The following GALNT13 variants were observed in gnomAD, a reference collection of about 807,000 sequenced individuals.
GALNT13 encodes polypeptide N-acetylgalactosaminyltransferase 13, also known as UDP-GalNAc:polypeptide N-acetylgalactosaminyltransferase 13.
A neutral mutation model predicts 64.2 loss-of-function variants in GALNT13; 28 were observed. That is an observed-to-expected ratio of 0.44 (90% CI 0.32 to 0.60). The LOEUF (loss-of-function observed/expected upper bound fraction) is 0.60. Among genes scored for constraint, GALNT13 ranks in the 20% least tolerant of loss-of-function variants. The probability of loss-of-function intolerance (pLI) is 0.05; values close to 1 mark genes in which losing one functional copy is unlikely to be tolerated. For missense variants in GALNT13, 577 were observed against 669.8 expected, an observed-to-expected ratio of 0.86 and a Z score of 1.53; for synonymous variants, 214 against 224.6, an observed-to-expected ratio of 0.95 and a Z score of 0.42.
the GALNT13 span, among the ~76,000 whole-genome samples, chr2:153,803,859 G>C: frequency 1.0e-3 from 159 of 152,176 alleles, no homozygotes; most frequent in African/African-American, 3.4e-3. Context: ...CAGCACCTTA[G>C]TCTTAGACTT....
In GALNT13 at chr2:153,884,505, A is replaced by T. The variant is rs568709850; in HGVS notation, c.-177+12202A>T. On this transcript the variant is annotated intron_variant, in intron 1 of 12. Transcript: ENST00000392825. ...AAATTCTTGGCACTTTTGTCACTGAACGTGATAGCAATAATTCCCTATAGT... is the reference window on the plus strand; with the variant it reads ...AAATTCTTGGCACTTTTGTCACTGATCGTGATAGCAATAATTCCCTATAGT... Among the ~76,000 whole-genome samples, 4 of 151,874 alleles carry T rather than the reference A, an allele frequency of 2.6e-5. No individual in the cohort carries two copies. The South Asian group carries it at 8.3e-4, about 32-fold the overall frequency.
the GALNT13 span, among the ~76,000 whole-genome samples, chr2:153,341,656 T>A: frequency 6.6e-6 from 1 of 152,202 alleles, no homozygotes; most frequent in Non-Finnish European, 1.5e-5. Flanking sequence ...TTTGTCAGCA[T>A]TACCAGTAGG....
chr2:153,242,264 C>A, the GALNT13 span, among the ~76,000 whole-genome samples: 1 of 152,114 alleles, frequency 6.6e-6, no homozygotes, highest in Non-Finnish European at 1.5e-5. Flanking sequence ...ATTTGTGTAA[C>A]TGCCATTTAT....
chr2:154,318,304 T>A (rs558916169), intron 9 of GALNT13, among the ~76,000 whole-genome samples: 1 of 152,340 alleles, frequency 6.6e-6, no homozygotes, highest in African/African-American at 2.4e-5. Context: ...CCAAAACGCC[T>A]TAAAAAACTT....
chr2:153,117,344 A>C, the GALNT13 span, among the ~76,000 whole-genome samples: 22 of 152,292 alleles, frequency 1.4e-4, no homozygotes, highest in Admixed American at 1.4e-3. Flanking sequence ...TTAACTTCTG[A>C]ATAACTTCGT....
chr2:153,163,540 C>G, the GALNT13 span, among the ~76,000 whole-genome samples: 1 of 152,098 alleles, frequency 6.6e-6, no homozygotes, highest in Non-Finnish European at 1.5e-5. Context: ...AAGCTCTCAA[C>G]CCTCAGAACT....
the GALNT13 span, among the ~76,000 whole-genome samples, chr2:153,440,791 T>A: frequency 2.0e-5 from 3 of 152,176 alleles, no homozygotes; most frequent in East Asian, 5.8e-4. Flanking sequence ...CACTTTTTGT[T>A]GGTATTGTTT....
At chr2:153,670,896 C>T in the GALNT13 span, among the ~76,000 whole-genome samples, 2 of 152,020 alleles carry the variant, frequency 1.3e-5, no homozygotes, top group Non-Finnish European at 2.9e-5. Flanking sequence ...ACGAGAAATT[C>T]GTGAAGCATA....
chr2:154,112,264 A>G (rs1703028770), intron 3 of GALNT13, among the ~76,000 whole-genome samples: 1 of 152,134 alleles, frequency 6.6e-6, no homozygotes, highest in Admixed American at 6.5e-5. Flanking sequence ...GTGGAAGTCC[A>G]TGTTGCTGTG....
intron 3 of GALNT13, among the ~76,000 whole-genome samples, chr2:153,980,061 T>C (rs764546391): frequency 1.3e-5 from 2 of 152,150 alleles, no homozygotes; most frequent in Non-Finnish European, 2.9e-5. Context: ...GTGATATATA[T>C]GATAGCATGT....
chr2:153,141,932 T>C, the GALNT13 span, among the ~76,000 whole-genome samples: 2 of 152,036 alleles, frequency 1.3e-5, no homozygotes, highest in East Asian at 3.9e-4. Flanking sequence ...CCTCAATAAA[T>C]TAATGAACCA....
At chr2:153,069,723 C>T in the GALNT13 span, among the ~76,000 whole-genome samples, 1 of 152,168 alleles carries the variant, frequency 6.6e-6, no homozygotes, top group Admixed American at 6.5e-5. Flanking sequence ...ACAAATAGCA[C>T]AGATGTAATT....
At chr2:154,311,477 G>A (rs1421212617) in intron 9 of GALNT13, among the ~76,000 whole-genome samples, 1 of 152,152 alleles carries the variant, frequency 6.6e-6, no homozygotes, top group Non-Finnish European at 1.5e-5. Context: ...AGGTGTGGGT[G>A]ACAGACATCA....
At chr2:153,206,367 A>G in the GALNT13 span, among the ~76,000 whole-genome samples, 2 of 152,018 alleles carry the variant, frequency 1.3e-5, no homozygotes, top group Non-Finnish European at 2.9e-5. Flanking sequence ...TCACAATCAC[A>G]TATTTAAAGT....
chr2:153,711,452 C>T, the GALNT13 span, among the ~76,000 whole-genome samples: 13 of 152,212 alleles, frequency 8.5e-5, no homozygotes, highest in South Asian at 2.1e-3. Flanking sequence ...TTACATCTCT[C>T]ATTGTAATCC....
the GALNT13 span, among the ~76,000 whole-genome samples, chr2:153,102,440 C>T: frequency 6.6e-6 from 1 of 152,130 alleles, no homozygotes; most frequent in South Asian, 2.1e-4. Flanking sequence ...GGGGAAAGAA[C>T]ATTTACTCTA....
chr2:153,331,329 C>T, the GALNT13 span, among the ~76,000 whole-genome samples: 3 of 151,822 alleles, frequency 2.0e-5, no homozygotes, highest in South Asian at 2.1e-4. Flanking sequence ...ACAGCTCCTC[C>T]TTGTACACCT....
chr2:153,919,195 C>A (rs1481048861), intron 2 of GALNT13, among the ~76,000 whole-genome samples: 1 of 151,748 alleles, frequency 6.6e-6, no homozygotes, highest in Non-Finnish European at 1.5e-5. Flanking sequence ...CTTTATGGCA[C>A]CCTCATTTTC....
intron 11 of GALNT13, among the ~76,000 whole-genome samples, chr2:154,411,936 T>G (rs991484327): frequency 6.6e-6 from 1 of 151,784 alleles, no homozygotes; most frequent in Non-Finnish European, 1.5e-5. Context: ...AAATTTTTTC[T>G]AACACTAGGA....
Sources: gnomAD v4.1 joint callset for allele counts (sites outside exome capture counted in the v4.1 genomes callset) on GRCh38, gnomAD v4.1.1 for gene constraint, MANE v1.5 for transcripts, NCBI Gene and HGNC (gene_info 2026-07-23, HGNC 2026-07-21) for gene names.